The following ZHX2 variants were observed in gnomAD, a reference collection of about 807,000 sequenced individuals.
ZHX2 encodes zinc fingers and homeoboxes 2, also known as zinc fingers and homeoboxes protein 2.
ZHX2 carries 6 observed loss-of-function variants against 21.9 expected under a neutral mutation model. That is an observed-to-expected ratio of 0.27 (90% CI 0.15 to 0.54). The LOEUF (loss-of-function observed/expected upper bound fraction) is 0.54, where lower values mean the gene tolerates loss of function less well. ZHX2 is among the 20% of genes least tolerant of loss of function. ZHX2 has a pLI of 0.95. For synonymous variants in ZHX2, 434 were observed against 437.1 expected (o/e 0.99, Z 0.09); for missense variants, 908 against 1,090.7 (o/e 0.83, Z 2.36).
At chr8:122,960,453 G>A (rs555062808) in intron 3 of ZHX2, among the ~76,000 whole-genome samples, 3 of 152,224 alleles carry the variant, frequency 2.0e-5, no homozygotes, top group South Asian at 2.1e-4. Context: ...CAGGAGAATC[G>A]CTTGAACCCA....
intron 2 of ZHX2, among the ~76,000 whole-genome samples, chr8:122,940,386 AC>A (rs1262055681): frequency 6.6e-6 from 1 of 152,162 alleles, no homozygotes; most frequent in Non-Finnish European, 1.5e-5. Flanking sequence ...GACCCGGTCT[AC>A]CTTCTCAGGC....
chr8:122,785,975 T>C (rs1205763856), intron 1 of ZHX2, among the ~76,000 whole-genome samples: 5 of 152,180 alleles, frequency 3.3e-5, no homozygotes, highest in Non-Finnish European at 5.9e-5. Context: ...TTAGTTCTTA[T>C]TTGCAATAAA....
intron 1 of ZHX2, among the ~76,000 whole-genome samples, chr8:122,827,913 G>A (rs1035939795): frequency 1.3e-5 from 2 of 152,190 alleles, no homozygotes; most frequent in Non-Finnish European, 2.9e-5. Flanking sequence ...AGGAGTTCAA[G>A]ACCAGCATGG....
intron 3 of ZHX2, among the ~76,000 whole-genome samples, chr8:122,962,916 A>G (rs764863105): frequency 1.3e-5 from 2 of 151,518 alleles, no homozygotes; most frequent in Admixed American, 6.6e-5. Context: ...TTGGCCATTC[A>G]TATATCTTCT....
intron 1 of ZHX2, among the ~76,000 whole-genome samples, chr8:122,861,682 G>T (rs1404059597): frequency 6.6e-6 from 1 of 152,148 alleles, no homozygotes; most frequent in Non-Finnish European, 1.5e-5. Flanking sequence ...TGGAGTCAGA[G>T]GATAGTCACC....
At chr8:122,792,765 A>G (rs966590535) in intron 1 of ZHX2, among the ~76,000 whole-genome samples, 2 of 152,146 alleles carry the variant, frequency 1.3e-5, no homozygotes, top group African/African-American at 2.4e-5. Flanking sequence ...GGCCAGGACT[A>G]GAGGAAAGCA....
chr8:122,955,076 G>GGT (rs1813262341), intron 3 of ZHX2, among the ~76,000 whole-genome samples: 2 of 95,594 alleles, frequency 2.1e-5, no homozygotes, highest in African/African-American at 3.0e-5. Context: ...AGCCGGGGGG[G>GGT]GGGGGGTGGC....
At chr8:122,796,897 G>C (rs1563733256) in intron 1 of ZHX2, among the ~76,000 whole-genome samples, 1 of 152,158 alleles carries the variant, frequency 6.6e-6, no homozygotes, top group Non-Finnish European at 1.5e-5. Context: ...GTGCCTGCTG[G>C]TGCCTCCTTT....
chr8:122,871,422 G>T (rs191202904), intron 2 of ZHX2, among the ~76,000 whole-genome samples: 1 of 150,458 alleles, frequency 6.6e-6, no homozygotes, highest in East Asian at 2.0e-4. Context: ...GCAAACTATC[G>T]CAAGGACAAA....
At chr8:122,883,679 G>T (rs1819768765) in intron 2 of ZHX2, among the ~76,000 whole-genome samples, 1 of 152,190 alleles carries the variant, frequency 6.6e-6, no homozygotes, top group Non-Finnish European at 1.5e-5. Flanking sequence ...ATATGGTTTA[G>T]AAATACACAA....
chr8:122,783,305 G>A (rs1817329621), intron 1 of ZHX2, among the ~76,000 whole-genome samples: 1 of 151,996 alleles, frequency 6.6e-6, no homozygotes, highest in Non-Finnish European at 1.5e-5. Flanking sequence ...TGGCCCCCTG[G>A]GACACTGCCT....
Position 122,952,116 on chromosome 8 carries a change from G to C in ZHX2, c.606G>C (p.Lys202Asn), listed in dbSNP as rs377327558. The C allele has an allele frequency of 1.2e-6, 2 of 1,613,554 alleles. No individual in the cohort carries two copies. Among genetic ancestry groups the C allele is most frequent in the Non-Finnish European group, 1.7e-6 (2 of 1,179,896 alleles). Residue 202 changes from lysine (K) to asparagine (N), a missense_variant, in exon 3 of 4, where the codon AAG becomes AAC. Transcript: ENST00000314393. The surrounding 1 kb of genome is among the most constrained non-coding windows in gnomAD (Gnocchi z 6.9). ...PKADAKKVPK[K>N]PEEITPENHV... is the part of the protein sequence containing the mutation. ...CGGATGCCAAGAAGGTGCCCAAGAAGCCCGAGGAGATCACCCCCGAGAACC... is the reference window on the plus strand; with the variant it reads ...CGGATGCCAAGAAGGTGCCCAAGAACCCCGAGGAGATCACCCCCGAGAACC...
At position 122,925,482 on chromosome 8, in the gene ZHX2, A is replaced by G. The variant is rs574421743; in HGVS notation, c.-219-25810A>G. 1.2e-4 allele frequency among the ~76,000 whole-genome samples: 19 copies of G among 152,350 alleles called. No homozygotes were observed. The South Asian group carries it at 3.5e-3, about 28-fold the overall frequency. The stretch of plus-strand genomic sequence containing the variant: ...AGAAATACCCACACAGGTAACTCTA[A>G]TAGATGTTACAGAGTAACAAGTTCA... On this transcript the variant is annotated intron_variant, in intron 2 of 3. Transcript: ENST00000314393.
chr8:122,899,508 T>G (rs1439578725), intron 2 of ZHX2, among the ~76,000 whole-genome samples: 2 of 152,180 alleles, frequency 1.3e-5, no homozygotes, highest in Non-Finnish European at 2.9e-5. Context: ...AAGAGAAATA[T>G]TTTAAATAAC....
intron 1 of ZHX2, among the ~76,000 whole-genome samples, chr8:122,837,035 C>T (rs1220228145): frequency 6.6e-6 from 1 of 152,098 alleles, no homozygotes; most frequent in Non-Finnish European, 1.5e-5. Flanking sequence ...ACCCTCTGGT[C>T]ATCCTCACTG....
chr8:122,908,169 G>A (rs1225683855), intron 2 of ZHX2, among the ~76,000 whole-genome samples: 4 of 152,088 alleles, frequency 2.6e-5, no homozygotes, highest in Non-Finnish European at 4.4e-5. Flanking sequence ...GTGAGAGTTG[G>A]AGCATTGTGT....
chr8:122,965,424 C>T (rs971228788), intron 3 of ZHX2, among the ~76,000 whole-genome samples: 1 of 152,106 alleles, frequency 6.6e-6, no homozygotes, highest in Non-Finnish European at 1.5e-5. Context: ...CATTCAAGAG[C>T]GTATCATTTA....
intron 2 of ZHX2, among the ~76,000 whole-genome samples, chr8:122,903,047 C>T (rs1335478156): frequency 1.3e-5 from 2 of 152,156 alleles, no homozygotes; most frequent in Admixed American, 6.5e-5. Flanking sequence ...TCTCTAGGAC[C>T]CATGGGCCTT....
At chr8:122,885,459 G>C (rs1010517117) in intron 2 of ZHX2, among the ~76,000 whole-genome samples, 1 of 152,152 alleles carries the variant, frequency 6.6e-6, no homozygotes, top group African/African-American at 2.4e-5. Flanking sequence ...GTAAAGAAAA[G>C]GCCCTCCTAG....
Sources: gnomAD v4.1 joint callset for allele counts (sites outside exome capture counted in the v4.1 genomes callset) on GRCh38, gnomAD v4.1.1 for gene constraint, Gnocchi (gnomAD v3.1) non-coding constraint, MANE v1.5 for transcripts, NCBI Gene and HGNC (gene_info 2026-07-23, HGNC 2026-07-21) for gene names.